The following ADGRL3 variants were observed in gnomAD, a reference collection of about 807,000 sequenced individuals.
The protein encoded by ADGRL3 is calcium-independent alpha-latrotoxin receptor 3.
Under a neutral mutation model 153.5 loss-of-function variants are expected in ADGRL3, and 62 were observed. The observed-to-expected ratio is 0.40, with a 90% CI of 0.33 to 0.50. The LOEUF is 0.50. Among genes scored for constraint, ADGRL3 ranks in the 20% least tolerant of loss-of-function variants. The pLI is 0.47. For synonymous variants in ADGRL3, 710 were observed against 672.5 expected, an observed-to-expected ratio of 1.06 and a Z score of -0.86; for missense variants, 1,641 against 1,859.4, an observed-to-expected ratio of 0.88 and a Z score of 2.16.
intron 21 of ADGRL3, among the ~76,000 whole-genome samples, chr4:62,023,902 T>C (rs1485317280): frequency 1.0e-5 from 1 of 96,306 alleles, no homozygotes; most frequent in Non-Finnish European, 2.5e-5. Flanking sequence ...GCATCTTATT[T>C]GCATGCAACC....
chr4:61,758,316 C>T (rs886306346), intron 8 of ADGRL3, among the ~76,000 whole-genome samples: 6 of 152,124 alleles, frequency 3.9e-5, no homozygotes, highest in Admixed American at 1.3e-4. Context: ...TGGGAGTCTA[C>T]GTCTCTTTCT....
intron 1 of ADGRL3, among the ~76,000 whole-genome samples, chr4:61,207,253 GTGTTCTCATTGT>G (rs1421210831): frequency 6.6e-6 from 1 of 152,024 alleles, no homozygotes; most frequent in Non-Finnish European, 1.5e-5. Context: ...CTGTGTCCAT[GTGTTCTCATTGT>G]TCAACTCCAA....
At chr4:61,373,185 T>G (rs1037911068) in intron 1 of ADGRL3, among the ~76,000 whole-genome samples, 2 of 152,130 alleles carry the variant, frequency 1.3e-5, no homozygotes, top group Non-Finnish European at 2.9e-5. Context: ...AAATCACCCG[T>G]CTTCGTCGCT....
At chr4:61,609,723 G>A (rs551482805) in intron 5 of ADGRL3, among the ~76,000 whole-genome samples, 43 of 151,990 alleles carry the variant, frequency 2.8e-4, no homozygotes, top group African/African-American at 9.4e-4. Context: ...CCTCGGGCAC[G>A]CCCTGTGTTA....
intron 1 of ADGRL3, among the ~76,000 whole-genome samples, chr4:61,335,140 C>A (rs6551623): frequency 9.9e-5 from 15 of 152,052 alleles, no homozygotes; most frequent in South Asian, 4.1e-4. Context: ...TAAAATGTTG[C>A]GTTAATAGCT....
intron 3 of ADGRL3, among the ~76,000 whole-genome samples, chr4:61,511,305 G>A (rs1009917702): frequency 6.6e-6 from 1 of 152,126 alleles, no homozygotes; most frequent in Non-Finnish European, 1.5e-5. Flanking sequence ...GGAAGCGGAG[G>A]TTACAGTGAG....
chr4:61,270,721 C>T (rs2093124629), intron 1 of ADGRL3, among the ~76,000 whole-genome samples: 1 of 151,618 alleles, frequency 6.6e-6, no homozygotes, highest in Admixed American at 6.6e-5. Flanking sequence ...CTCACACCTG[C>T]CATTTATAAC....
chr4:61,451,418 C>A (rs1162678398), intron 2 of ADGRL3, among the ~76,000 whole-genome samples: 2 of 152,044 alleles, frequency 1.3e-5, no homozygotes, highest in African/African-American at 4.8e-5. Flanking sequence ...AAAAAACTCA[C>A]CAAGGCTGTA....
intron 4 of ADGRL3, among the ~76,000 whole-genome samples, chr4:61,545,749 A>T (rs1336263277): frequency 1.3e-5 from 2 of 152,142 alleles, no homozygotes; most frequent in Non-Finnish European, 2.9e-5. Context: ...TCCTGACCTC[A>T]GGTGATCTTC....
At position 61,916,379 on chromosome 4, in the gene ADGRL3, A is replaced by G. The variant is rs188866815; in HGVS notation, c.2112+3622A>G. Among the ~76,000 whole-genome samples the G allele has an allele frequency of 3.7e-4, 56 of 152,316 alleles. No homozygotes were observed. The East Asian group carries it at 0.01, about 28-fold the overall frequency. ...TAGACACAATGACATGGGCCTACAT[A>G]GCCCCAGCTACTTGAGAAGCCAAGG... On this transcript the variant is annotated intron_variant, in intron 13 of 26. Coordinates refer to ENST00000683033, the MANE Select transcript of ADGRL3 (RefSeq NM_001387552.1).
chr4:61,490,705 A>C (rs1346156907), intron 2 of ADGRL3, among the ~76,000 whole-genome samples: 1 of 151,900 alleles, frequency 6.6e-6, no homozygotes, highest in Non-Finnish European at 1.5e-5. Context: ...ATTGAAAAAA[A>C]AAAAAGAAAA....
intron 2 of ADGRL3, among the ~76,000 whole-genome samples, chr4:61,467,871 T>A (rs1031074314): frequency 3.3e-5 from 5 of 152,186 alleles, no homozygotes; most frequent in Non-Finnish European, 5.9e-5. Context: ...AGAATTCACA[T>A]CTTAATGGTC....
chr4:61,917,590 G>C (rs1560372671), intron 13 of ADGRL3, among the ~76,000 whole-genome samples: 1 of 150,764 alleles, frequency 6.6e-6, no homozygotes, highest in Non-Finnish European at 1.5e-5. Context: ...GATTCCAGTT[G>C]CTCCACAACC....
chr4:61,850,433 AGAAT>A (rs1369804361), intron 9 of ADGRL3, among the ~76,000 whole-genome samples: 1 of 152,160 alleles, frequency 6.6e-6, no homozygotes. Flanking sequence ...TATAAAGAAT[AGAAT>A]GGGCTCTGAT....
At chr4:61,393,569 A>G (rs1320369059) in intron 2 of ADGRL3, among the ~76,000 whole-genome samples, 5 of 152,006 alleles carry the variant, frequency 3.3e-5, no homozygotes, top group African/African-American at 1.2e-4. Flanking sequence ...TAGAGCCTTT[A>G]CTTAATTATG....
At chr4:61,663,130 G>A (rs2094660693) in intron 5 of ADGRL3, among the ~76,000 whole-genome samples, 1 of 152,130 alleles carries the variant, frequency 6.6e-6, no homozygotes, top group Non-Finnish European at 1.5e-5. Context: ...CAAATGGCAG[G>A]GCTGAAACAG....
chr4:61,487,468 G>T (rs971810142), intron 2 of ADGRL3, among the ~76,000 whole-genome samples: 1 of 152,060 alleles, frequency 6.6e-6, no homozygotes, highest in African/African-American at 2.4e-5. Flanking sequence ...TTATTATTAG[G>T]AAGATGATTA....
chr4:61,487,544 A>T (rs2098210233), intron 2 of ADGRL3, among the ~76,000 whole-genome samples: 1 of 152,068 alleles, frequency 6.6e-6, no homozygotes, highest in Admixed American at 6.6e-5. Context: ...GAATTTATTT[A>T]CTTTGAAGTA....
chr4:61,339,573 T>C (rs1025316209), intron 1 of ADGRL3, among the ~76,000 whole-genome samples: 1 of 152,210 alleles, frequency 6.6e-6, no homozygotes, highest in African/African-American at 2.4e-5. Context: ...TGCCATCAAA[T>C]AGCACCCACT....
Sources: gnomAD v4.1 joint callset for allele counts (sites outside exome capture counted in the v4.1 genomes callset) on GRCh38, gnomAD v4.1.1 for gene constraint, MANE v1.5 for transcripts, NCBI Gene and HGNC (gene_info 2026-07-23, HGNC 2026-07-21) for gene names.